DUSP15: variants seen among roughly 807,000 people sequenced by gnomAD.
DUSP15 encodes the protein dual specificity protein phosphatase 15.
A neutral mutation model predicts 26.3 loss-of-function variants in DUSP15; 23 were observed. That is an observed-to-expected ratio of 0.87 (90% CI 0.63 to 1.24). The LOEUF (loss-of-function observed/expected upper bound fraction) is 1.24. Among genes scored for constraint, DUSP15 ranks in the 50% most tolerant of loss-of-function variants. The pLI, the probability that DUSP15 is intolerant of heterozygous loss-of-function variation, is 0.00. For synonymous variants in DUSP15, 143 were observed against 135.5 expected (o/e 1.06, Z -0.39); for missense variants, 364 against 320.6 (o/e 1.14, Z -1.03).
At chr20:31,868,468 T>C (rs1042081877) in intron 2 of DUSP15, among the ~76,000 whole-genome samples, 19 of 147,540 alleles carry the variant, frequency 1.3e-4, no homozygotes, top group African/African-American at 5.0e-5. Context: ...CTTTTCTTTT[T>C]TCTTTCTCTT....
rs138802896 is a variant in DUSP15, at chr20:31,867,126, C to A, written c.83G>T (p.Arg28Leu). The change falls in exon 3 of 7, where the codon CGA (arginine) becomes CTA (leucine). Residue 28 changes from arginine to leucine, a missense_variant. By Grantham distance (102) the Arg-to-Leu change is moderately radical (BLOSUM62 -2). Coordinates refer to ENST00000339738, the MANE Select transcript of DUSP15 (RefSeq NM_080611.5). ...AGAGATGATGTGTGTGATCTTATTT[C>A]GGCCCAGCTGATCCAGGTCTTTGGC... ...IDAKDLDQLGRNKITHIISIH... is the reference protein window; with the variant it reads ...IDAKDLDQLGLNKITHIISIH... The A allele has an allele frequency of 4.4e-6, 7 of 1,591,084 alleles. No individual in the cohort carries two copies. Among genetic ancestry groups the A allele is most frequent in the African/African-American group, 4.0e-5 (3 of 74,502 alleles).
chr20:31,864,888 C>T (rs370427596), intron 4 of DUSP15, 65 bp downstream of exon 4: 3 of 1,548,258 alleles, frequency 1.9e-6, no homozygotes, highest in Non-Finnish European at 1.8e-6. Flanking sequence ...TTCAAACCCC[C>T]TCCCCCTCCC....
downstream of DUSP15, chr20:31,847,526 A>G (rs1159037625): frequency 6.6e-6 from 1 of 152,208 alleles, no homozygotes; most frequent in Non-Finnish European, 1.5e-5. Flanking sequence ...TTTTCCCCCC[A>G]TGAAGGTGGC....
At chr20:31,864,018 G>A (rs1434439210) in intron 4 of DUSP15, 37 bp from the exon 5 acceptor site, 1 of 1,611,054 alleles carries the variant, frequency 6.2e-7, no homozygotes, top group Non-Finnish European at 8.5e-7. Context: ...AGCACTGCAG[G>A]GCAGACCTCT....
At chr20:31,865,931 A>G (rs1327219414) in intron 3 of DUSP15, among the ~76,000 whole-genome samples, 1 of 152,146 alleles carries the variant, frequency 6.6e-6, no homozygotes, top group Non-Finnish European at 1.5e-5. Flanking sequence ...TAGTAAATAC[A>G]CTCATGACTT....
At chr20:31,848,542 C>T in exon 10 of DUSP15, 1 of 1,583,784 alleles carries the variant, frequency 6.3e-7, no homozygotes, top group Non-Finnish European at 8.6e-7. Flanking sequence ...AGGACGAGCT[C>T]CCAGGCCGAA....
intron 4 of DUSP15, 150 bp downstream of exon 4, chr20:31,864,803 T>G: frequency 1.2e-6 from 1 of 822,914 alleles, no homozygotes; most frequent in Non-Finnish European, 2.0e-6. Context: ...AGGGCATGGT[T>G]GAGACAGAGT....
At chr20:31,861,709 G>C in intron 6 of DUSP15, 34 bp from the exon 7 acceptor site, 1 of 557,164 alleles carries the variant, frequency 1.8e-6, no homozygotes, top group African/African-American at 1.0e-4. Flanking sequence ...CGGGGTCAAG[G>C]CCGGCGCGGG....
At chr20:31,853,286 AAAAT>A (rs904935563) in intron 6 of DUSP15, among the ~76,000 whole-genome samples, 8 of 151,440 alleles carry the variant, frequency 5.3e-5, no homozygotes, top group Non-Finnish European at 1.0e-4. Context: ...AATAAAAGAA[AAAAT>A]AAATAGAGTG....
chr20:31,870,269 G>A lies in DUSP15; in HGVS notation c.21+48C>T. 1 of 1,226,210 alleles carries A rather than the reference G, an allele frequency of 8.2e-7. No individual in the cohort carries two copies. The highest frequency in any genetic ancestry group is 1.0e-6 in the Non-Finnish European group (1 of 984,332). 76.0% of individuals were successfully genotyped at this position (1,226,210 alleles called of 1,614,324 possible). A position where few individuals can be genotyped will look rare whatever the true frequency, so the allele number is the denominator to read the frequency against. ...ACCGAGCTGGTCAGCGCCGGGCCGC[G>A]GCGGCCGGGGCGGGGACCGGGGAGG... On this transcript the variant is annotated intron_variant, in intron 1 of 6. Transcript: ENST00000339738. The surrounding 1 kb of genome is among the most constrained non-coding windows in gnomAD (Gnocchi z 6.6).
Position 31,870,503 on chromosome 20 carries a change from C to G in DUSP15, c.-166G>C. 1.4e-6 allele frequency: 2 copies of G among 1,402,812 alleles called. No homozygotes were observed. Among genetic ancestry groups the G allele is most frequent in the Non-Finnish European group, 1.8e-6 (2 of 1,081,512 alleles). The allele number at this position is 1,402,812 out of a possible 1,614,324, so 86.9% of individuals were successfully genotyped here. On this transcript the variant is annotated 5_prime_UTR_variant, in exon 1 of 7. Transcript: ENST00000339738. The surrounding 1 kb of genome is among the most constrained non-coding windows in gnomAD (Gnocchi z 6.6). ...CCTGCCCAGCCACCGCCACCGCCCGCCGACCCCCGGCCCGGGAGGGAAATG... is the reference window on the plus strand; with the variant it reads ...CCTGCCCAGCCACCGCCACCGCCCGGCGACCCCCGGCCCGGGAGGGAAATG...
intron 8 of DUSP15, chr20:31,849,720 T>C (rs745730369): frequency 1.3e-6 from 2 of 1,531,222 alleles, no homozygotes; most frequent in South Asian, 1.2e-5. Flanking sequence ...CGCTGGGCAA[T>C]GGGTCGGGGA....
chr20:31,849,777 C>A, exon 8 of DUSP15: 1 of 1,538,862 alleles, frequency 6.5e-7, no homozygotes, highest in Non-Finnish European at 8.7e-7. Flanking sequence ...AGGCGCTCGG[C>A]GGCCGCCCGC....
In DUSP15 at chr20:31,865,000, AT is replaced by A. The variant is rs2062736056; in HGVS notation, c.140del (p.Asp47ValfsTer53). On this transcript the variant is annotated frameshift_variant and splice_region_variant, in exon 4 of 7. Transcript: ENST00000339738. LOFTEE classifies it high-confidence loss of function. ...CGACCGGGATGCGAAGGTAGGTGATATCCTGCAAGTACAAAATACACTCAGG... is the reference window on the plus strand; with the variant it reads ...CGACCGGGATGCGAAGGTAGGTGATACCTGCAAGTACAAAATACACTCAGG... ...IHESPQPLLQ[D>X]ITYLRIPVAD... 6.2e-7 allele frequency: 1 copy of A among 1,613,946 alleles called. No individual in the cohort carries two copies. The highest frequency in any genetic ancestry group is 1.3e-5 in the African/African-American group (1 of 74,888).
chr20:31,848,360 C>A (rs1393160561), exon 10 of DUSP15: 1 of 1,583,584 alleles, frequency 6.3e-7, no homozygotes, highest in Non-Finnish European at 8.6e-7. Flanking sequence ...TTAGTGTGGG[C>A]AGGGTTGGGT....
chr20:31,870,017 G>C lies in DUSP15; in HGVS notation c.21+300C>G. 1.5e-6 allele frequency: 2 copies of C among 1,332,550 alleles called. No individual in the cohort carries two copies. The highest frequency in any genetic ancestry group is 1.9e-6 in the Non-Finnish European group (2 of 1,043,036). The allele number at this position is 1,332,550 out of a possible 1,614,324, so 82.5% of individuals were successfully genotyped here. On this transcript the variant is annotated intron_variant, in intron 1 of 6. Transcript: ENST00000339738. The surrounding 1 kb of genome is among the most constrained non-coding windows in gnomAD (Gnocchi z 6.6). ...GCCGAGGAGTCAGCGACAAGGGAGA[G>C]GGACACATGCAGACGGAGAGCAGGA...
At chr20:31,857,041 A>C (rs1020083172), downstream of DUSP15, among the ~76,000 whole-genome samples, 13 of 152,088 alleles carry the variant, frequency 8.5e-5, no homozygotes, top group African/African-American at 3.1e-4. Flanking sequence ...AGGCATTATC[A>C]AGAGGGACAG....
intron 6 of DUSP15, among the ~76,000 whole-genome samples, chr20:31,854,593 T>C (rs1187135865): frequency 1.3e-5 from 2 of 152,176 alleles, no homozygotes; most frequent in Non-Finnish European, 1.5e-5. Flanking sequence ...TATGTATTTG[T>C]TGAATGCACT....
At chr20:31,854,829 A>ATTAGGGAC (rs1413407965) in intron 6 of DUSP15, among the ~76,000 whole-genome samples, 1 of 152,198 alleles carries the variant, frequency 6.6e-6, no homozygotes, top group Non-Finnish European at 1.5e-5. Flanking sequence ...TAAACACTAA[A>ATTAGGGAC]TTAGGGACTA....
Sources: allele counts gnomAD v4.1 joint callset (sites outside exome capture counted in the v4.1 genomes callset), GRCh38; gene constraint gnomAD v4.1.1; non-coding constraint Gnocchi (gnomAD v3.1); transcripts MANE v1.5; gene names NCBI Gene and HGNC (gene_info 2026-07-23, HGNC 2026-07-21).